LRP8: variants seen among roughly 807,000 people sequenced by gnomAD.
The protein encoded by LRP8 is LDL receptor related protein 8, also known as low-density lipoprotein receptor-related protein 8.
LRP8 carries 46 observed loss-of-function variants against 111.6 expected under a neutral mutation model. That is an observed-to-expected ratio of 0.41 (90% CI 0.33 to 0.53). The LOEUF (loss-of-function observed/expected upper bound fraction) is 0.53. Ranked by LOEUF, LRP8 falls within the 20% of genes least tolerant of loss-of-function variation. The pLI is 0.20. For missense variants in LRP8, 959 were observed against 1,297.4 expected (o/e 0.74, Z 4.01); for synonymous variants, 464 against 511.2 (o/e 0.91, Z 1.24).
At chr1:53,325,547 G>A (rs1286216110) in intron 2 of LRP8, among the ~76,000 whole-genome samples, 2 of 152,254 alleles carry the variant, frequency 1.3e-5, no homozygotes. Context: ...ACTGAGGCAG[G>A]AGGGAAAGAT....
chr1:53,249,453 G>A lies in LRP8; in HGVS notation c.2780C>T (p.Pro927Leu), dbSNP rs200406029. 13 of 1,614,106 alleles carry A rather than the reference G, an allele frequency of 8.1e-6. No individual in the cohort carries two copies. Among genetic ancestry groups the A allele is most frequent in the African/African-American group, 6.7e-5 (5 of 75,024 alleles). The part of the protein sequence containing the change: ...APALKELFVL[P>L]GEPRSQLHQL... ...GTGCAGCTGTGACCTTGGTTCCCCC[G>A]GCAAGACAAAAAGCTCCTTGAGGGC... Residue 927 changes from proline (P) to leucine (L), a missense_variant, in exon 18 of 19, where the codon CCG (proline) becomes CTG (leucine). Physicochemically the swap from Pro to Leu is moderately conservative, Grantham distance 98 (BLOSUM62 -3). Around this residue, in one of 3 missense-constraint regions of LRP8, gnomAD observed 819 missense variants for 1,097.6 expected, o/e 0.75. Coordinates refer to ENST00000306052, the MANE Select transcript of LRP8 (RefSeq NM_004631.5). The surrounding 1 kb of genome is among the most constrained non-coding windows in gnomAD (Gnocchi z 4.1).
chr1:53,311,948 C>T (rs1046931659), intron 2 of LRP8, among the ~76,000 whole-genome samples: 1 of 152,198 alleles, frequency 6.6e-6, no homozygotes, highest in South Asian at 2.1e-4. Context: ...AGGGCCTTGT[C>T]GACTGCAGAG....
chr1:53,264,604 G>T (rs1423052047), intron 9 of LRP8, among the ~76,000 whole-genome samples: 2 of 152,188 alleles, frequency 1.3e-5, no homozygotes, highest in Non-Finnish European at 2.9e-5. Flanking sequence ...TTTCTAAGGT[G>T]GGGCTGCTCC....
At chr1:53,280,521 G>C in intron 4 of LRP8, 66 bp downstream of exon 4, 1 of 1,576,182 alleles carries the variant, frequency 6.3e-7, no homozygotes, top group Non-Finnish European at 8.6e-7. Context: ...CCCCAGAAGT[G>C]GCTGCCACTC....
intron 4 of LRP8, among the ~76,000 whole-genome samples, chr1:53,278,999 T>C (rs4926591): frequency 0.17 from 25,516 of 150,388 alleles, 2,691 homozygotes; most frequent in African/African-American, 0.29. Context: ...GACCTCGTGA[T>C]CCTCCTGCCT....
chr1:53,262,330 G>T lies in LRP8; in HGVS notation c.1774+116C>A. 6.6e-7 allele frequency: 1 copy of T among 1,523,856 alleles called. No homozygotes were observed. Among genetic ancestry groups the T allele is most frequent in the South Asian group, 1.2e-5 (1 of 86,144 alleles). The allele number at this position is 1,523,856 out of a possible 1,614,324, so 94.4% of individuals were successfully genotyped here. A position where few individuals can be genotyped will look rare whatever the true frequency, so the allele number is the denominator to read the frequency against. ...TGAGGCCAGCCTACGGCAACCATTA[G>T]GAAACAAAGTCACTGGCACCATGAG... On this transcript the variant is annotated intron_variant, in intron 11 of 18. Coordinates refer to ENST00000306052, the MANE Select transcript of LRP8 (RefSeq NM_004631.5). This position sits in a 1 kb window ranked among gnomAD's most constrained non-coding sequence, Gnocchi z 4.8.
intron 2 of LRP8, among the ~76,000 whole-genome samples, chr1:53,298,290 G>A (rs1037727949): frequency 1.3e-5 from 2 of 152,148 alleles, no homozygotes; most frequent in South Asian, 2.1e-4. Context: ...CGACAAAGGC[G>A]TCTTCCTGTC....
At chr1:53,297,724 C>A (rs1650023521) in intron 2 of LRP8, among the ~76,000 whole-genome samples, 1 of 152,174 alleles carries the variant, frequency 6.6e-6, no homozygotes, top group Admixed American at 6.5e-5. Context: ...GAGTTTCCCT[C>A]AAAATTTTCT....
At chr1:53,327,694 C>T in intron 1 of LRP8, 95 bp downstream of exon 1, 2 of 1,323,572 alleles carry the variant, frequency 1.5e-6, no homozygotes, top group South Asian at 1.6e-5. Flanking sequence ...CCCGATAGCC[C>T]CGGGTTCTGG....
At chr1:53,300,371 C>T (rs920062896) in intron 2 of LRP8, among the ~76,000 whole-genome samples, 2 of 152,224 alleles carry the variant, frequency 1.3e-5, no homozygotes, top group African/African-American at 4.8e-5. Context: ...AATGCCCCCA[C>T]CTCTGACAGA....
chr1:53,263,089 T>C (rs1442430544), intron 10 of LRP8, among the ~76,000 whole-genome samples: 1 of 152,220 alleles, frequency 6.6e-6, no homozygotes, highest in Non-Finnish European at 1.5e-5. Flanking sequence ...TGCAGTGGGT[T>C]TCCTCCTGGG....
At chr1:53,276,620 A>C in intron 5 of LRP8, 72 bp downstream of exon 5, 1 of 1,275,980 alleles carries the variant, frequency 7.8e-7, no homozygotes, top group Non-Finnish European at 1.0e-6. Context: ...GGAAGCCTGC[A>C]CCTGGCGGAT....
Position 53,266,197 on chromosome 1 carries a change from A to T in LRP8, c.1427+276T>A, listed in dbSNP as rs529554639. ...TTCTTCCTTTCTGCCCTGGCCAAAC[A>T]GTTCCTGTGTCTTGTGCTTCCATAT... On this transcript the variant is annotated intron_variant, in intron 9 of 18. Transcript: ENST00000306052. This position sits in a 1 kb window ranked among gnomAD's most constrained non-coding sequence, Gnocchi z 5.0. Among the ~76,000 whole-genome samples, 1 of 152,280 alleles carries T rather than the reference A, an allele frequency of 6.6e-6. No homozygotes were observed. Among genetic ancestry groups the T allele is most frequent in the African/African-American group, 2.4e-5 (1 of 41,552 alleles).
rs114254592 is a variant in LRP8 at position 53,277,789 on chromosome 1, T to C, written c.497-711A>G. On this transcript the variant is annotated intron_variant, in intron 4 of 18. Coordinates refer to ENST00000306052, the MANE Select transcript of LRP8 (RefSeq NM_004631.5). ...GGAAATCTCTGCCTCTGCCCTCGTT[T>C]CTGAGCCCCTCAGTCGCGCAGGCGT... Among the ~76,000 whole-genome samples, 741 of 152,336 alleles carry C rather than the reference T, an allele frequency of 4.9e-3. 7 individuals carry two copies. Among genetic ancestry groups the C allele is most frequent in the African/African-American group, 0.017 (716 of 41,574 alleles).
At chr1:53,299,520 C>T (rs1650404434) in intron 2 of LRP8, among the ~76,000 whole-genome samples, 1 of 152,188 alleles carries the variant, frequency 6.6e-6, no homozygotes. Flanking sequence ...GCTCTGGGCT[C>T]CTCACCAGGG....
intron 8 of LRP8, chr1:53,268,371 T>C (rs894728249): frequency 1.3e-5 from 2 of 152,218 alleles, no homozygotes; most frequent in African/African-American, 4.8e-5. Context: ...ATTTTGTATA[T>C]GCATGGGTAG....
rs998367158 is a variant in LRP8, at chr1:53,293,672, A to G, written c.245-3983T>C. 2.0e-5 allele frequency among the ~76,000 whole-genome samples: 3 copies of G among 152,204 alleles called. No homozygotes were observed. The highest frequency in any genetic ancestry group is 2.9e-5 in the Non-Finnish European group (2 of 68,040). On this transcript the variant is annotated intron_variant, in intron 2 of 18. Transcript: ENST00000306052. This position sits in a 1 kb window ranked among gnomAD's most constrained non-coding sequence, Gnocchi z 4.9. Reference sequence around the variant, plus strand: ...TGAAACATCTCTCAGGTCTCCTGGAATGTGCCCAGAAGTGTGCAGCAGAAT... The same window carrying G: ...TGAAACATCTCTCAGGTCTCCTGGAGTGTGCCCAGAAGTGTGCAGCAGAAT...
At chr1:53,274,730 C>T (rs971337553) in intron 6 of LRP8, 8 of 456,182 alleles carry the variant, frequency 1.8e-5, no homozygotes, top group South Asian at 4.6e-5. Flanking sequence ...CGACCAGTCC[C>T]GGCAGTCCCT....
At chr1:53,263,553 A>G (rs1646428417) in intron 10 of LRP8, among the ~76,000 whole-genome samples, 1 of 152,202 alleles carries the variant, frequency 6.6e-6, no homozygotes, top group Admixed American at 6.5e-5. Flanking sequence ...GGGTGGCCAG[A>G]GCAGGGCAAC....
Sources: gnomAD v4.1 joint callset for allele counts (sites outside exome capture counted in the v4.1 genomes callset) on GRCh38, gnomAD v4.1.1 for gene constraint, gnomAD v4.1.1 regional missense constraint, Gnocchi (gnomAD v3.1) non-coding constraint, MANE v1.5 for transcripts, NCBI Gene and HGNC (gene_info 2026-07-23, HGNC 2026-07-21) for gene names.